RBM33: variants seen among roughly 807,000 people sequenced by gnomAD.
The protein encoded by RBM33 is RNA binding motif protein 33.
Under a neutral mutation model 132.6 loss-of-function variants are expected in RBM33, and 28 were observed. The observed-to-expected ratio is 0.21, with a 90% CI of 0.16 to 0.29. RBM33 has a LOEUF of 0.29. Among genes scored for constraint, RBM33 ranks in the 10% least tolerant of loss-of-function variants. The probability of loss-of-function intolerance (pLI) is 1.00; values close to 1 mark genes in which losing one functional copy is unlikely to be tolerated. For missense variants in RBM33, 1,291 were observed against 1,518.5 expected, an observed-to-expected ratio of 0.85 and a Z score of 2.49; for synonymous variants, 634 against 593.0, an observed-to-expected ratio of 1.07 and a Z score of -1.01.
intron 4 of RBM33, 104 bp from the exon 5 acceptor site, chr7:155,680,486 T>TA: frequency 1.2e-6 from 1 of 841,730 alleles, no homozygotes; most frequent in Non-Finnish European, 1.8e-6. Flanking sequence ...AATAACTTTT[T>TA]ATCAGTCATG....
chr7:155,746,837 G>A (rs1801532584), intron 14 of RBM33, among the ~76,000 whole-genome samples: 2 of 152,276 alleles, frequency 1.3e-5, no homozygotes, highest in East Asian at 3.9e-4. Context: ...AAACCAGCTA[G>A]CAACGATTGC....
At chr7:155,740,452 G>T (rs1328072805) in intron 12 of RBM33, among the ~76,000 whole-genome samples, 1 of 152,172 alleles carries the variant, frequency 6.6e-6, no homozygotes, top group African/African-American at 2.4e-5. Context: ...GGAAAAATAC[G>T]TTGACTGTTC....
At position 155,672,862 on chromosome 7, in the gene RBM33, C is replaced by A; in HGVS notation, c.123-5C>A. The A allele has an allele frequency of 1.3e-6, 2 of 1,540,916 alleles. No homozygotes were observed. The highest frequency in any genetic ancestry group is 2.4e-5 in the South Asian group (2 of 82,424). On this transcript the variant is annotated splice_region_variant and splice_polypyrimidine_tract_variant and intron_variant, in intron 2 of 17. Transcript: ENST00000401878. ...CATTGACATGTCTCTTTTTTTTCTC[C>A]CAAGTGAACTTGAAGATGATTTACT...
chr7:155,708,200 A>AG (rs1267727489), intron 7 of RBM33, among the ~76,000 whole-genome samples: 2 of 152,224 alleles, frequency 1.3e-5, no homozygotes, highest in Non-Finnish European at 2.9e-5. Flanking sequence ...GAGAATTCCA[A>AG]CTCTGATATG....
Position 155,774,789 on chromosome 7 carries a change from T to C in RBM33, c.3464+142T>C. 3 of 827,002 alleles carry C rather than the reference T, an allele frequency of 3.6e-6. No individual in the cohort carries two copies. The highest frequency in any genetic ancestry group is 6.1e-6 in the Non-Finnish European group (3 of 492,364). 51.2% of individuals were successfully genotyped at this position (827,002 alleles called of 1,614,324 possible). A position where few individuals can be genotyped will look rare whatever the true frequency, so the allele number is the denominator to read the frequency against. ...ACACTAGGGCACAAAGCGCAGACGG[T>C]GATCCTGTCATGAGGCGCGCGTCCT... On this transcript the variant is annotated intron_variant, in intron 17 of 17. Transcript: ENST00000401878. The surrounding 1 kb of genome is among the most constrained non-coding windows in gnomAD (Gnocchi z 4.2).
In RBM33 at chr7:155,644,803, C is replaced by T. The variant is rs1269371506; in HGVS notation, c.-74C>T. ...TTCTCTGTCCTCCGTCACCCGTACC[C>T]GGGCCCGGACCAGGCACGTCGGCCC... is the stretch of plus-strand genomic sequence containing the variant. On this transcript the variant is annotated 5_prime_UTR_variant, in exon 1 of 18. Coordinates refer to ENST00000401878, the MANE Select transcript of RBM33 (RefSeq NM_053043.3). 6.3e-6 allele frequency: 8 copies of T among 1,276,650 alleles called. No individual in the cohort carries two copies. The highest frequency in any genetic ancestry group is 3.0e-5 in the Admixed American group (1 of 33,672). The allele number at this position is 1,276,650 out of a possible 1,614,324, so 79.1% of individuals were successfully genotyped here.
At position 155,738,346 on chromosome 7, in the gene RBM33, G is replaced by A. The variant is rs373047958; in HGVS notation, c.1680G>A (p.Pro560=). 147 of 1,613,866 alleles carry A rather than the reference G, an allele frequency of 9.1e-5. No individual in the cohort carries two copies. The highest frequency in any genetic ancestry group is 3.5e-4 in the African/African-American group (26 of 74,990). The change falls in exon 11 of 18, where the codon CCG becomes CCA. Residue 560 remains proline (P), a synonymous_variant. Transcript: ENST00000401878. The stretch of plus-strand genomic sequence containing the variant: ...GGCCCTTCATTCCTCCTAGACAGCC[G>A]TTCCTGCCAGGCCCAGGACAGCCGT... The part of the protein sequence containing the change: ...TTRPFIPPRQ[P]FLPGPGQPFL...
At position 155,665,309 on chromosome 7, in the gene RBM33, A is replaced by G. The variant is rs1031507672; in HGVS notation, c.122+56A>G. On this transcript the variant is annotated intron_variant, in intron 2 of 17. Coordinates refer to ENST00000401878, the MANE Select transcript of RBM33 (RefSeq NM_053043.3). Reference sequence around the variant, plus strand: ...CTGTGCCGATCTCTCTCATTCTGACACTTGGCTCCTGAGGGATCTTTACTG... The same window carrying G: ...CTGTGCCGATCTCTCTCATTCTGACGCTTGGCTCCTGAGGGATCTTTACTG... 8 of 1,503,126 alleles carry G rather than the reference A, an allele frequency of 5.3e-6. No homozygotes were observed. The Admixed American group carries it at 8.4e-5, about 16-fold the overall frequency. The allele number at this position is 1,503,126 out of a possible 1,614,324, so 93.1% of individuals were successfully genotyped here.
At chr7:155,669,552 C>T (rs1450129157) in intron 2 of RBM33, among the ~76,000 whole-genome samples, 1 of 152,088 alleles carries the variant, frequency 6.6e-6, no homozygotes. Context: ...GGGGTTTCGC[C>T]GTGTTGGCCA....
chr7:155,688,870 G>A (rs6946426), intron 5 of RBM33, among the ~76,000 whole-genome samples: 97,114 of 151,262 alleles, frequency 0.64, 32,007 homozygotes, highest in South Asian at 0.77. Context: ...TGCTGGATTC[G>A]GTTTGCCAGT....
At chr7:155,759,329 A>G (rs55783519) in intron 14 of RBM33, among the ~76,000 whole-genome samples, 10,020 of 152,122 alleles carry the variant, frequency 0.066, 511 homozygotes, top group African/African-American at 0.14. Flanking sequence ...GTCACCAGAC[A>G]TAAATTTTCA....
At chr7:155,647,391 A>C (rs1798229779) in intron 1 of RBM33, among the ~76,000 whole-genome samples, 2 of 152,202 alleles carry the variant, frequency 1.3e-5, no homozygotes, top group Middle Eastern at 3.2e-3. Flanking sequence ...CTGGATAGCC[A>C]AAATGGGTAC....
chr7:155,724,988 G>GTTTTTTT (rs148975210), intron 9 of RBM33, among the ~76,000 whole-genome samples: 60 of 117,218 alleles, frequency 5.1e-4, no homozygotes, highest in African/African-American at 2.1e-3. Flanking sequence ...TTGTGTACAG[G>GTTTTTTT]TTTGTGTGTG....
intron 14 of RBM33, among the ~76,000 whole-genome samples, chr7:155,759,683 C>G (rs758162649): frequency 2.6e-5 from 4 of 152,162 alleles, no homozygotes; most frequent in Admixed American, 1.3e-4. Flanking sequence ...CCTCCCAAAG[C>G]ACAGTTTAAA....
chr7:155,683,178 T>G (rs1203502993), intron 5 of RBM33, among the ~76,000 whole-genome samples: 2 of 152,182 alleles, frequency 1.3e-5, no homozygotes, highest in Non-Finnish European at 2.9e-5. Flanking sequence ...ATGATCACAA[T>G]GGTAACATCT....
Position 155,745,086 on chromosome 7 carries a change from G to A in RBM33, c.2463G>A (p.Lys821=), listed in dbSNP as rs1801468174. The change falls in exon 14 of 18, where the codon AAG becomes AAA. Residue 821 remains lysine, a synonymous_variant. Coordinates refer to ENST00000401878, the MANE Select transcript of RBM33 (RefSeq NM_053043.3). This position sits in a 1 kb window ranked among gnomAD's most constrained non-coding sequence, Gnocchi z 4.1. ...RRQQQAGARK[K]ELLERLAQQQ... Reference sequence around the variant, plus strand: ...AGCAGCAGGCTGGTGCCAGGAAGAAGGAGCTGCTGGAGAGACTCGCGCAGC... The same window carrying A: ...AGCAGCAGGCTGGTGCCAGGAAGAAAGAGCTGCTGGAGAGACTCGCGCAGC... The A allele has an allele frequency of 6.2e-7, 1 of 1,602,670 alleles. No homozygotes were observed. Among genetic ancestry groups the A allele is most frequent in the African/African-American group, 1.3e-5 (1 of 74,750 alleles).
At position 155,779,748 on chromosome 7, in the gene RBM33, A is replaced by G. The variant is rs1469645442; in HGVS notation, c.*4707A>G. 3 of 152,172 alleles carry G rather than the reference A, an allele frequency of 2.0e-5. No individual in the cohort carries two copies. The highest frequency in any genetic ancestry group is 6.5e-5 in the Admixed American group (1 of 15,276). 9.4% of individuals were successfully genotyped at this position (152,172 alleles called of 1,614,324 possible). ...CATTGTAACCTGCCTTGGCTAGAAA[A>G]TGCTTTTAATGTCTCAACTCTCTCT... On this transcript the variant is annotated 3_prime_UTR_variant, in exon 18 of 18. Coordinates refer to ENST00000401878, the MANE Select transcript of RBM33 (RefSeq NM_053043.3).
chr7:155,674,027 A>T (rs1433700740), intron 3 of RBM33, among the ~76,000 whole-genome samples: 1 of 131,136 alleles, frequency 7.6e-6, no homozygotes, highest in Non-Finnish European at 1.5e-5. Context: ...ATCTTGGCTC[A>T]CTGCAAGCTT....
At chr7:155,772,715 G>A (rs1221282498) in intron 16 of RBM33, among the ~76,000 whole-genome samples, 2 of 152,144 alleles carry the variant, frequency 1.3e-5, no homozygotes, top group South Asian at 2.1e-4. Flanking sequence ...GACCAATTCC[G>A]TTACTGCCTA....
Sources: gnomAD v4.1 joint callset for allele counts (sites outside exome capture counted in the v4.1 genomes callset) on GRCh38, gnomAD v4.1.1 for gene constraint, Gnocchi (gnomAD v3.1) non-coding constraint, MANE v1.5 for transcripts, NCBI Gene and HGNC (gene_info 2026-07-23, HGNC 2026-07-21) for gene names.